Variants in VRK2 observed in about 807,000 individuals in gnomAD.
VRK2 encodes serine/threonine-protein kinase VRK2.
A neutral mutation model predicts 57.6 loss-of-function variants in VRK2; 60 were observed. That is an observed-to-expected ratio of 1.04 (90% CI 0.85 to 1.29). VRK2 has a LOEUF of 1.29. VRK2 is among the 50% of genes most tolerant of loss of function. The pLI, the probability that VRK2 is intolerant of heterozygous loss-of-function variation, is 0.00. For synonymous variants in VRK2, 231 were observed against 199.2 expected (o/e 1.16, Z -1.35); for missense variants, 705 against 588.1 (o/e 1.20, Z -2.06).
intron 1 of VRK2, among the ~76,000 whole-genome samples, chr2:58,007,365 G>A (rs1333431004): frequency 6.6e-6 from 1 of 151,528 alleles, no homozygotes; most frequent in African/African-American, 2.4e-5. Context: ...GAACAACACA[G>A]ACTCAAGCTG....
intron 8 of VRK2, among the ~76,000 whole-genome samples, chr2:58,130,808 ATTG>A (rs1347801313): frequency 1.3e-5 from 2 of 152,144 alleles, no homozygotes; most frequent in Non-Finnish European, 2.9e-5. Context: ...ATACCAGCCT[ATTG>A]TTTTATAACA....
At chr2:57,944,815 C>T (rs1028940280) in intron 1 of VRK2, among the ~76,000 whole-genome samples, 1 of 126,380 alleles carries the variant, frequency 7.9e-6, no homozygotes, top group Non-Finnish European at 1.5e-5. Context: ...AAGTCATCCC[C>T]CTTGTTCCCT....
At chr2:57,937,523 T>C (rs2103947835) in intron 1 of VRK2, among the ~76,000 whole-genome samples, 1 of 152,336 alleles carries the variant, frequency 6.6e-6, no homozygotes, top group South Asian at 2.1e-4. Context: ...TTTTGAATAG[T>C]GTAAGTGCAT....
At chr2:58,123,710 A>G (rs992083285) in intron 8 of VRK2, among the ~76,000 whole-genome samples, 2 of 152,028 alleles carry the variant, frequency 1.3e-5, no homozygotes, top group African/African-American at 4.8e-5. Flanking sequence ...AAAAAATACA[A>G]AAGGGTTGGC....
At position 57,990,379 on chromosome 2, in the gene VRK2, A is replaced by G. The variant is rs77414374; in HGVS notation, c.-438-35286A>G. ...CACTGGACCATAGACAGTGCAACAG[A>G]TAAACATGACCTGTCTTGTACTGAA... On this transcript the variant is annotated intron_variant, in intron 1 of 15. Coordinates refer to the VRK2 transcript ENST00000417641. Among the ~76,000 whole-genome samples the G allele has an allele frequency of 4.3e-3, 651 of 152,332 alleles. 7 individuals carry two copies. Among genetic ancestry groups the G allele is most frequent in the African/African-American group, 0.015 (620 of 41,578 alleles).
intron 1 of VRK2, among the ~76,000 whole-genome samples, chr2:57,999,669 C>T (rs925764492): frequency 6.6e-6 from 1 of 152,074 alleles, no homozygotes; most frequent in South Asian, 2.1e-4. Context: ...TATATCAAAA[C>T]CATCAGTTGT....
At chr2:58,080,850 T>G (rs1266551685) in intron 2 of VRK2, among the ~76,000 whole-genome samples, 2 of 151,964 alleles carry the variant, frequency 1.3e-5, no homozygotes, top group Non-Finnish European at 2.9e-5. Flanking sequence ...TTATAATTAC[T>G]GACATATGTA....
At chr2:58,048,474 A>T (rs913861350) in intron 1 of VRK2, 16 of 1,036,884 alleles carry the variant, frequency 1.5e-5, no homozygotes, top group Admixed American at 6.0e-5. Context: ...TTCCATGTAC[A>T]TGAAATTTAT....
chr2:58,141,248 C>T (rs546119332), intron 11 of VRK2, among the ~76,000 whole-genome samples: 13 of 151,948 alleles, frequency 8.6e-5, no homozygotes, highest in Non-Finnish European at 1.0e-4. Flanking sequence ...GTAGATTTTT[C>T]CCTTTTTGTA....
chr2:57,934,900 C>T (rs1428230969), intron 1 of VRK2, among the ~76,000 whole-genome samples: 2 of 152,070 alleles, frequency 1.3e-5, no homozygotes, highest in Non-Finnish European at 2.9e-5. Flanking sequence ...TTCTTTATCT[C>T]CAGAATTTCT....
At chr2:58,132,730 T>A (rs1679402522) in intron 9 of VRK2, among the ~76,000 whole-genome samples, 2 of 152,186 alleles carry the variant, frequency 1.3e-5, no homozygotes, top group South Asian at 4.1e-4. Flanking sequence ...ATTAGCTGAT[T>A]CATAGAAATC....
intron 2 of VRK2, among the ~76,000 whole-genome samples, chr2:58,078,787 C>A (rs576466543): frequency 6.6e-6 from 1 of 152,184 alleles, no homozygotes; most frequent in African/African-American, 2.4e-5. Flanking sequence ...TTTTCATATG[C>A]AAGTTGGCCA....
rs758231122 is a variant in VRK2 at position 58,159,603 on chromosome 2, T to C, written c.1437T>C (p.Leu479=). 3 of 1,613,872 alleles carry C rather than the reference T, an allele frequency of 1.9e-6. No homozygotes were observed. The highest frequency in any genetic ancestry group is 1.7e-6 in the Non-Finnish European group (2 of 1,179,828). ...GGCCTACAATTTCCCAGTTTACTCT[T>C]AGTGAAGAGACAAACGCAGATGTTT... is the stretch of plus-strand genomic sequence containing the variant. ...GLWPTISQFT[L]SEETNADVYY... is the part of the protein sequence containing the mutation. Residue 479 remains leucine, a synonymous_variant, in exon 13 of 13, where the codon CTT becomes CTC. Coordinates refer to ENST00000340157, the MANE Select transcript of VRK2 (RefSeq NM_006296.7).
At chr2:58,003,281 G>A (rs1324078639) in intron 1 of VRK2, among the ~76,000 whole-genome samples, 1 of 151,952 alleles carries the variant, frequency 6.6e-6, no homozygotes, top group Non-Finnish European at 1.5e-5. Context: ...CAAAATATGG[G>A]TTCCATATAA....
chr2:57,999,777 C>T (rs562372789), intron 1 of VRK2, among the ~76,000 whole-genome samples: 7 of 152,264 alleles, frequency 4.6e-5, no homozygotes. Flanking sequence ...CATACTAAAA[C>T]ATTTCATCTG....
intron 1 of VRK2, chr2:58,047,477 T>A: frequency 1.0e-6 from 1 of 985,350 alleles, no homozygotes; most frequent in Non-Finnish European, 1.2e-6. Context: ...GGATGTACAT[T>A]TCGTAGAGTC....
At chr2:58,043,983 T>A (rs570869985), upstream of VRK2, among the ~76,000 whole-genome samples, 4 of 152,346 alleles carry the variant, frequency 2.6e-5, no homozygotes, top group African/African-American at 7.2e-5. Context: ...ACTTTATAAG[T>A]GCACACATTT....
At chr2:57,995,115 G>A (rs1297508456) in intron 1 of VRK2, among the ~76,000 whole-genome samples, 1 of 152,088 alleles carries the variant, frequency 6.6e-6, no homozygotes, top group African/African-American at 2.4e-5. Flanking sequence ...GTTTCTGTAA[G>A]GTTAGTTGCA....
At chr2:57,992,856 A>G (rs1429487187) in intron 1 of VRK2, among the ~76,000 whole-genome samples, 2 of 152,186 alleles carry the variant, frequency 1.3e-5, no homozygotes, top group Non-Finnish European at 2.9e-5. Context: ...CTTTATGATC[A>G]CTACATATTG....
Sources: gnomAD v4.1 joint callset for allele counts (sites outside exome capture counted in the v4.1 genomes callset) on GRCh38, gnomAD v4.1.1 for gene constraint, MANE v1.5 for transcripts, NCBI Gene and HGNC (gene_info 2026-07-23, HGNC 2026-07-21) for gene names.